Variants in ZBTB20 observed in about 807,000 individuals in gnomAD.
ZBTB20 encodes the protein zinc finger and BTB domain containing 20.
ZBTB20 carries 9 observed loss-of-function variants against 56.9 expected under a neutral mutation model. The ratio of observed to expected loss-of-function variants is 0.16; its 90% confidence interval spans 0.10 to 0.28. ZBTB20 has a LOEUF of 0.28. Ranked by LOEUF, ZBTB20 falls within the 10% of genes least tolerant of loss-of-function variation. The pLI is 1.00. For missense variants in ZBTB20, 655 were observed against 1,003.0 expected (o/e 0.65, Z 4.69); for synonymous variants, 417 against 420.7 (o/e 0.99, Z 0.11).
chr3:114,942,150 T>A lies in ZBTB20; in HGVS notation c.-456+32216A>T, dbSNP rs1184471285. Reference sequence around the variant, plus strand: ...GCATTAGTCACAGTTTAATAAATAATTTCGTTATAGCCTCCTAGTCTATCA... The same window carrying A: ...GCATTAGTCACAGTTTAATAAATAAATTCGTTATAGCCTCCTAGTCTATCA... On this transcript the variant is annotated intron_variant, in intron 3 of 11. Coordinates refer to ENST00000675478, the MANE Select transcript of ZBTB20 (RefSeq NM_001348800.3). Among the ~76,000 whole-genome samples the A allele has an allele frequency of 4.8e-5, 7 of 145,902 alleles. 1 individual carries two copies. Among genetic ancestry groups the A allele is most frequent in the African/African-American group, 2.0e-4 (7 of 35,798 alleles).
chr3:115,002,498 C>T (rs2079293542), intron 2 of ZBTB20, among the ~76,000 whole-genome samples: 1 of 151,488 alleles, frequency 6.6e-6, no homozygotes, highest in African/African-American at 2.4e-5. Flanking sequence ...TATTAAAACT[C>T]AAGAAGAAAA....
At chr3:114,578,991 T>C (rs1044266026) in intron 6 of ZBTB20, among the ~76,000 whole-genome samples, 1 of 151,848 alleles carries the variant, frequency 6.6e-6, no homozygotes, top group Admixed American at 6.6e-5. Context: ...ACAAGATTGA[T>C]ACTTAATAGG....
intron 11 of ZBTB20, among the ~76,000 whole-genome samples, chr3:114,346,877 G>A (rs2080229311): frequency 6.6e-6 from 1 of 151,296 alleles, no homozygotes; most frequent in African/African-American, 2.4e-5. Flanking sequence ...GTAGAGCTGG[G>A]GTCTTGCCAA....
At chr3:114,598,130 G>A (rs1368895680) in intron 6 of ZBTB20, among the ~76,000 whole-genome samples, 5 of 152,034 alleles carry the variant, frequency 3.3e-5, no homozygotes, top group African/African-American at 1.2e-4. Flanking sequence ...TGGCCATTCT[G>A]TCATTTTAGA....
chr3:114,463,696 A>G (rs1193718043), intron 7 of ZBTB20, among the ~76,000 whole-genome samples: 6 of 152,238 alleles, frequency 3.9e-5, no homozygotes, highest in Non-Finnish European at 7.3e-5. Flanking sequence ...CCTGAAGGAA[A>G]TCTGTAACAA....
intron 4 of ZBTB20, among the ~76,000 whole-genome samples, chr3:114,841,364 C>T (rs766420029): frequency 1.3e-5 from 2 of 151,876 alleles, no homozygotes; most frequent in African/African-American, 2.4e-5. Context: ...CATGGTGCAC[C>T]GAAGGCATGA....
chr3:114,721,126 TG>T (rs1411374973), intron 5 of ZBTB20, among the ~76,000 whole-genome samples: 1 of 152,128 alleles, frequency 6.6e-6, no homozygotes, highest in East Asian at 1.9e-4. Context: ...GCTGGAAAGA[TG>T]GGTTGAGTGT....
intron 4 of ZBTB20, among the ~76,000 whole-genome samples, chr3:114,865,758 G>A (rs978198910): frequency 6.6e-6 from 1 of 152,110 alleles, no homozygotes; most frequent in African/African-American, 2.4e-5. Context: ...GAAGGAAAAA[G>A]GAGAAATCTT....
chr3:114,827,855 C>T (rs564056306), intron 4 of ZBTB20, among the ~76,000 whole-genome samples: 1 of 151,776 alleles, frequency 6.6e-6, no homozygotes, highest in South Asian at 2.1e-4. Flanking sequence ...TAAAAGATAT[C>T]TCCAGCAGAC....
chr3:115,117,288 G>A (rs1250474750), intron 1 of ZBTB20, among the ~76,000 whole-genome samples: 1 of 152,094 alleles, frequency 6.6e-6, no homozygotes, highest in African/African-American at 2.4e-5. Context: ...AACAAAACTA[G>A]AGTATGAAAA....
chr3:114,657,852 A>G (rs538813436), intron 6 of ZBTB20, among the ~76,000 whole-genome samples: 3 of 151,836 alleles, frequency 2.0e-5, no homozygotes, highest in South Asian at 4.2e-4. Context: ...AACCCATACC[A>G]TGGTTTGGAA....
intron 10 of ZBTB20, among the ~76,000 whole-genome samples, chr3:114,371,073 C>T (rs989097032): frequency 6.6e-6 from 1 of 152,130 alleles, no homozygotes; most frequent in African/African-American, 2.4e-5. Context: ...ATCCAGGCTG[C>T]CAAATTAGAT....
chr3:114,973,436 C>T (rs1445554186), intron 3 of ZBTB20, among the ~76,000 whole-genome samples: 2 of 152,062 alleles, frequency 1.3e-5, no homozygotes, highest in Non-Finnish European at 2.9e-5. Context: ...TTTGGTGCCT[C>T]GATCTTGGGG....
At chr3:114,884,494 A>C (rs2076531920) in intron 4 of ZBTB20, among the ~76,000 whole-genome samples, 1 of 152,328 alleles carries the variant, frequency 6.6e-6, no homozygotes. Context: ...CAATGGGAAA[A>C]TAATGTGGTG....
intron 2 of ZBTB20, among the ~76,000 whole-genome samples, chr3:114,993,938 TAGAG>T (rs564423261): frequency 1.3e-5 from 2 of 151,704 alleles, no homozygotes; most frequent in African/African-American, 4.8e-5. Context: ...AAATGTACAA[TAGAG>T]AGTATCAGCA....
At chr3:114,986,110 T>C (rs1348394085) in intron 2 of ZBTB20, among the ~76,000 whole-genome samples, 1 of 152,090 alleles carries the variant, frequency 6.6e-6, no homozygotes, top group Middle Eastern at 3.2e-3. Context: ...AGGACTTGTG[T>C]TAGAATCTGC....
intron 7 of ZBTB20, among the ~76,000 whole-genome samples, chr3:114,434,320 A>G (rs981003154): frequency 6.6e-6 from 1 of 152,022 alleles, no homozygotes; most frequent in Admixed American, 6.6e-5. Flanking sequence ...CCTAAGGAGT[A>G]TGAGTTGGAA....
At chr3:114,343,765 C>T (rs1053364760) in intron 11 of ZBTB20, among the ~76,000 whole-genome samples, 5 of 152,178 alleles carry the variant, frequency 3.3e-5, no homozygotes, top group East Asian at 1.9e-4. Context: ...GGGGCCCACA[C>T]GGCTGGGCAC....
At chr3:114,738,395 G>A (rs1442437794) in intron 5 of ZBTB20, among the ~76,000 whole-genome samples, 1 of 151,740 alleles carries the variant, frequency 6.6e-6, no homozygotes, top group Non-Finnish European at 1.5e-5. Context: ...TAATCGGTGG[G>A]CATGTGCCAA....
Sources: gnomAD v4.1 joint callset for allele counts (sites outside exome capture counted in the v4.1 genomes callset) on GRCh38, gnomAD v4.1.1 for gene constraint, MANE v1.5 for transcripts, NCBI Gene and HGNC (gene_info 2026-07-23, HGNC 2026-07-21) for gene names.